The following REV3L variants were observed in gnomAD, a reference collection of about 807,000 sequenced individuals.
REV3L encodes REV3 like, DNA directed polymerase zeta catalytic subunit.
In REV3L, 69 loss-of-function variants were observed where a neutral mutation model predicts 299.4. The observed-to-expected ratio is 0.23, with a 90% CI of 0.19 to 0.28. The LOEUF is 0.28. REV3L is among the 10% of genes least tolerant of loss of function. The probability of loss-of-function intolerance (pLI) is 1.00; values close to 1 mark genes in which losing one functional copy is unlikely to be tolerated. For synonymous variants in REV3L, 1,238 were observed against 1,271.4 expected (o/e 0.97, Z 0.56); for missense variants, 3,128 against 3,693.8 (o/e 0.85, Z 3.97).
Position 111,420,557 on chromosome 6 carries a change from T to C in REV3L, c.140-4085A>G, listed in dbSNP as rs755254067. The stretch of plus-strand genomic sequence containing the variant: ...TCTTACTATCATGGCAAACTGAAGT[T>C]AGACAACAAGTCCAAGAGAAATAAG... On this transcript the variant is annotated intron_variant, in intron 1 of 31. Coordinates refer to ENST00000368802, the MANE Select transcript of REV3L (RefSeq NM_001372078.1). Among the ~76,000 whole-genome samples, 87 of 152,206 alleles carry C rather than the reference T, an allele frequency of 5.7e-4. 2 individuals are homozygous for C. The highest frequency in any genetic ancestry group is 1.8e-4 in the Non-Finnish European group (12 of 68,042).
intron 2 of REV3L, among the ~76,000 whole-genome samples, chr6:111,415,201 A>G (rs1784625138): frequency 6.6e-6 from 1 of 152,186 alleles, no homozygotes; most frequent in Non-Finnish European, 1.5e-5. Context: ...CTGGGCCCCA[A>G]GAATGTAGTT....
intron 7 of REV3L, 105 bp downstream of exon 7, chr6:111,389,001 T>G: frequency 1.3e-6 from 1 of 787,426 alleles, no homozygotes; most frequent in Non-Finnish European, 2.1e-6. Flanking sequence ...AATATAAAGG[T>G]CATTTGAAAA....
intron 1 of REV3L, among the ~76,000 whole-genome samples, chr6:111,439,981 T>C (rs1391401887): frequency 1.3e-5 from 2 of 152,304 alleles, no homozygotes; most frequent in East Asian, 3.9e-4. Context: ...TTCCAGCATC[T>C]GGACAACTTT....
rs201671524 is a variant in REV3L at position 111,372,862 on chromosome 6, G to A, written c.5493C>T (p.Asp1831=). The A allele has an allele frequency of 3.9e-5, 63 of 1,614,060 alleles. No homozygotes were observed. Among genetic ancestry groups the A allele is most frequent in the East Asian group, 1.1e-4 (5 of 44,886 alleles). The part of the protein sequence containing the change: ...ILSSPDGELV[D]VACEDLELYV... ...ACAGTTCTAAATCTTCACAGGCCAC[G>A]TCTACAAGTTCACCATCAGGGGAGG... The change falls in exon 13 of 32, where the codon GAC becomes GAT. Residue 1831 remains aspartate, a synonymous_variant. Transcript: ENST00000368802.
In REV3L at chr6:111,395,202, T is replaced by C. The variant is rs1159648992; in HGVS notation, c.566-2230A>G. On this transcript the variant is annotated intron_variant, in intron 4 of 31. Coordinates refer to ENST00000368802, the MANE Select transcript of REV3L (RefSeq NM_001372078.1). ...TTTGGCTATTTAGGCTCTTTTGTAGTTCCACATGAAGTTTAGAATTTTTTT... is the reference window on the plus strand; with the variant it reads ...TTTGGCTATTTAGGCTCTTTTGTAGCTCCACATGAAGTTTAGAATTTTTTT... Among the ~76,000 whole-genome samples the C allele has an allele frequency of 2.6e-5, 4 of 152,354 alleles. No individual in the cohort carries two copies. The East Asian group carries it at 5.8e-4, about 22-fold the overall frequency.
At chr6:111,460,055 G>A (rs1790572803) in intron 1 of REV3L, among the ~76,000 whole-genome samples, 1 of 151,994 alleles carries the variant, frequency 6.6e-6, no homozygotes, top group South Asian at 2.1e-4. Flanking sequence ...AAGAAAATGT[G>A]GTACATATAC....
At chr6:111,350,748 CTTTCT>C (rs1254584628) in intron 19 of REV3L, among the ~76,000 whole-genome samples, 4 of 133,158 alleles carry the variant, frequency 3.0e-5, no homozygotes, top group Non-Finnish European at 6.8e-5. Flanking sequence ...GGCTAATTTT[CTTTCT>C]TTTTTTTTTT....
chr6:111,430,148 C>G (rs1243049211), intron 1 of REV3L: 2 of 787,500 alleles, frequency 2.5e-6, no homozygotes, highest in Admixed American at 3.4e-5. Context: ...TCCAGTGTCA[C>G]GCCCCTGTGG....
At chr6:111,451,465 C>T (rs1387775083) in intron 1 of REV3L, among the ~76,000 whole-genome samples, 1 of 152,100 alleles carries the variant, frequency 6.6e-6, no homozygotes, top group Non-Finnish European at 1.5e-5. Flanking sequence ...GCACTTTTGA[C>T]AGGCTGGCTT....
intron 13 of REV3L, among the ~76,000 whole-genome samples, chr6:111,370,573 T>C (rs1201255197): frequency 6.6e-6 from 1 of 152,210 alleles, no homozygotes; most frequent in Non-Finnish European, 1.5e-5. Flanking sequence ...GTTCTTACAG[T>C]GAAACAAATT....
At chr6:111,326,910 A>C (rs1437283903) in intron 25 of REV3L, among the ~76,000 whole-genome samples, 1 of 151,784 alleles carries the variant, frequency 6.6e-6, no homozygotes, top group Non-Finnish European at 1.5e-5. Context: ...TGCTTTTTCC[A>C]CTCATGATTT....
chr6:111,303,191 A>T, intron 31 of REV3L, among the ~76,000 whole-genome samples: 1 of 34,782 alleles, frequency 2.9e-5, no homozygotes, highest in Non-Finnish European at 7.4e-5. Flanking sequence ...TTGAGATGAG[A>T]GAGAGCGTCT....
chr6:111,374,940 T>C lies in REV3L; in HGVS notation c.3415A>G (p.Ile1139Val). 1 of 1,612,998 alleles carries C rather than the reference T, an allele frequency of 6.2e-7. No individual in the cohort carries two copies. Among genetic ancestry groups the C allele is most frequent in the Non-Finnish European group, 8.5e-7 (1 of 1,179,662 alleles). The change falls in exon 13 of 32, where the codon ATC (isoleucine) becomes GTC (valine). Residue 1139 changes from isoleucine to valine, a missense_variant. Ile to Val is a conservative substitution (Grantham distance 29, BLOSUM62 3). Transcript: ENST00000368802. The stretch of plus-strand genomic sequence containing the variant: ...GCCTCTTTTTCTGCAGCAGCCATGA[T>C]TTCTTCAGCTCTTGGATCTGTGGGA... Reference protein sequence around the residue: ...WSPTDPRAEEIMAAAEKEAML... With the variant: ...WSPTDPRAEEVMAAAEKEAML...
chr6:111,456,652 C>T (rs1562340518), intron 1 of REV3L, among the ~76,000 whole-genome samples: 3 of 152,076 alleles, frequency 2.0e-5, no homozygotes, highest in African/African-American at 7.2e-5. Context: ...CTAGTTCCCC[C>T]AAAACAATCT....
rs111418115 is a variant in REV3L at position 111,437,009 on chromosome 6, A to G, written c.140-20537T>C. Reference sequence around the variant, plus strand: ...AAATGGCAAATAAGCACATTAAAAGATTCTCAACATCAGCAGCCATCAGCA... The same window carrying G: ...AAATGGCAAATAAGCACATTAAAAGGTTCTCAACATCAGCAGCCATCAGCA... On this transcript the variant is annotated intron_variant, in intron 1 of 31. Coordinates refer to ENST00000368802, the MANE Select transcript of REV3L (RefSeq NM_001372078.1). Among the ~76,000 whole-genome samples, 1,116 of 152,324 alleles carry G rather than the reference A, an allele frequency of 7.3e-3. 13 individuals are homozygous for G. Among genetic ancestry groups the G allele is most frequent in the African/African-American group, 0.026 (1,063 of 41,566 alleles).
chr6:111,398,495 G>A (rs1190651941), intron 4 of REV3L, among the ~76,000 whole-genome samples: 1 of 152,004 alleles, frequency 6.6e-6, no homozygotes, highest in Non-Finnish European at 1.5e-5. Flanking sequence ...ACAGTAATTA[G>A]CATCATTTCC....
intron 15 of REV3L, among the ~76,000 whole-genome samples, chr6:111,364,549 T>C (rs773029835): frequency 5.9e-5 from 9 of 151,844 alleles, no homozygotes; most frequent in African/African-American, 7.2e-5. Context: ...CACACTGATA[T>C]AGTATTTTTT....
At chr6:111,308,073 A>G (rs549518016) in intron 30 of REV3L, 4 of 311,692 alleles carry the variant, frequency 1.3e-5, no homozygotes, top group East Asian at 2.0e-4. Flanking sequence ...GCTGAGAATG[A>G]TGGTTTCCAG....
chr6:111,467,628 T>C (rs2128333674), intron 1 of REV3L, among the ~76,000 whole-genome samples: 1 of 152,356 alleles, frequency 6.6e-6, no homozygotes, highest in East Asian at 1.9e-4. Context: ...TTGTTATTAC[T>C]ACCTTAAATA....
Sources: gnomAD v4.1 joint callset for allele counts (sites outside exome capture counted in the v4.1 genomes callset) on GRCh38, gnomAD v4.1.1 for gene constraint, MANE v1.5 for transcripts, NCBI Gene and HGNC (gene_info 2026-07-23, HGNC 2026-07-21) for gene names.